KLHDC10: variants seen among roughly 807,000 people sequenced by gnomAD.
KLHDC10 encodes the protein kelch domain containing 10, also known as kelch domain-containing protein 10.
Under a neutral mutation model 56.1 loss-of-function variants are expected in KLHDC10, and 24 were observed. The ratio of observed to expected loss-of-function variants is 0.43; its 90% CI spans 0.31 to 0.60. KLHDC10 has a LOEUF of 0.60. Among genes scored for constraint, KLHDC10 ranks in the 20% least tolerant of loss-of-function variants. The pLI, the probability that KLHDC10 is intolerant of heterozygous loss-of-function variation, is 0.11. For synonymous variants in KLHDC10, 188 were observed against 207.1 expected, an observed-to-expected ratio of 0.91 and a Z score of 0.79; for missense variants, 349 against 567.0, an observed-to-expected ratio of 0.62 and a Z score of 3.91.
At chr7:130,070,927 G>C in intron 1 of KLHDC10, 118 bp downstream of exon 1, 4 of 622,146 alleles carry the variant, frequency 6.4e-6, no homozygotes, top group Non-Finnish European at 9.5e-6. Flanking sequence ...ACGCATAGCA[G>C]AGGGACTGGG....
chr7:130,108,077 A>C (rs879908828), intron 2 of KLHDC10, among the ~76,000 whole-genome samples: 36 of 151,218 alleles, frequency 2.4e-4, no homozygotes, highest in Admixed American at 1.8e-3. Context: ...AAACAAAAAA[A>C]AACTAGCTGG....
At chr7:130,078,947 A>C (rs1563096097) in intron 1 of KLHDC10, among the ~76,000 whole-genome samples, 1 of 152,214 alleles carries the variant, frequency 6.6e-6, no homozygotes, top group East Asian at 1.9e-4. Context: ...GATATTTTTA[A>C]TGCTTTCCTA....
chr7:130,123,833 GAC>G, intron 5 of KLHDC10, among the ~76,000 whole-genome samples: 1 of 152,112 alleles, frequency 6.6e-6, no homozygotes, highest in East Asian at 1.9e-4. Flanking sequence ...TCATTTTATG[GAC>G]ATATCATAAA....
chr7:130,116,419 T>C lies in KLHDC10; in HGVS notation c.254-26T>C, dbSNP rs1462432878. The C allele has an allele frequency of 4.4e-6, 7 of 1,590,332 alleles. No individual in the cohort carries two copies. The highest frequency in any genetic ancestry group is 1.7e-5 in the Admixed American group (1 of 57,196). On this transcript the variant is annotated intron_variant, in intron 2 of 9. Coordinates refer to ENST00000335420, the MANE Select transcript of KLHDC10 (RefSeq NM_014997.4). The surrounding 1 kb of genome is among the most constrained non-coding windows in gnomAD (Gnocchi z 4.8). The stretch of plus-strand genomic sequence containing the variant: ...TGCTTTTAAACTGGTAGGACACCTG[T>C]GGAAAACTGTCCTCTTCTCTCCTAG...
At chr7:130,093,998 A>G (rs548827646) in intron 1 of KLHDC10, among the ~76,000 whole-genome samples, 2 of 152,192 alleles carry the variant, frequency 1.3e-5, no homozygotes, top group African/African-American at 4.8e-5. Flanking sequence ...ATCTCGGCTC[A>G]CTGCAACCTC....
At chr7:130,071,348 G>A (rs894996504) in intron 1 of KLHDC10, among the ~76,000 whole-genome samples, 1 of 152,162 alleles carries the variant, frequency 6.6e-6, no homozygotes, top group African/African-American at 2.4e-5. Context: ...GGGAAAACTA[G>A]TTGGATTATT....
chr7:130,089,218 G>A (rs114198699), intron 1 of KLHDC10, among the ~76,000 whole-genome samples: 2,207 of 152,212 alleles, frequency 0.014, 48 homozygotes, highest in African/African-American at 0.05. Context: ...AGACTGCTGG[G>A]CATGGTGGCT....
chr7:130,088,355 A>G (rs928683177), intron 1 of KLHDC10, among the ~76,000 whole-genome samples: 1 of 151,348 alleles, frequency 6.6e-6, no homozygotes, highest in African/African-American at 2.4e-5. Context: ...GCTCACTGCA[A>G]CCTCTGCCTC....
rs1584642132 is a variant in KLHDC10 at position 130,128,922 on chromosome 7, A to G, written c.980-515A>G. On this transcript the variant is annotated intron_variant, in intron 8 of 9. Transcript: ENST00000335420. ...TATATATATATATATATATATATACATACTAGCCAAAACTTAAAAATCAAA... is the reference window on the plus strand; with the variant it reads ...TATATATATATATATATATATATACGTACTAGCCAAAACTTAAAAATCAAA... Among the ~76,000 whole-genome samples, 9 of 137,266 alleles carry G rather than the reference A, an allele frequency of 6.6e-5. No homozygotes were observed. In the South Asian group the frequency reaches 2.1e-3, roughly 31 times the overall value. The allele number at this position is 137,266 out of a possible 152,430, so 90.1% of individuals were successfully genotyped here.
At chr7:130,092,335 G>C (rs1482613288) in intron 1 of KLHDC10, among the ~76,000 whole-genome samples, 1 of 152,124 alleles carries the variant, frequency 6.6e-6, no homozygotes, top group African/African-American at 2.4e-5. Flanking sequence ...TTTTAATATT[G>C]TTCGATTCTC....
intron 8 of KLHDC10, among the ~76,000 whole-genome samples, chr7:130,127,920 G>A (rs1796334471): frequency 6.6e-6 from 1 of 152,236 alleles, no homozygotes; most frequent in Admixed American, 6.5e-5. Flanking sequence ...CAAAGGCATT[G>A]TATGGCTTCA....
chr7:130,124,801 G>A lies in KLHDC10; in HGVS notation c.864+266G>A, dbSNP rs922350513. ...GGAAAAGGAAAGTGACTAAAAGGAAGGCATAGTAGCTTGAATGGAGCAACT... is the reference window on the plus strand; with the variant it reads ...GGAAAAGGAAAGTGACTAAAAGGAAAGCATAGTAGCTTGAATGGAGCAACT... On this transcript the variant is annotated intron_variant, in intron 6 of 9. Coordinates refer to ENST00000335420, the MANE Select transcript of KLHDC10 (RefSeq NM_014997.4). Among the ~76,000 whole-genome samples, 3 of 152,304 alleles carry A rather than the reference G, an allele frequency of 2.0e-5. No homozygotes were observed. The East Asian group carries it at 5.8e-4, about 29-fold the overall frequency.
In KLHDC10 at chr7:130,130,653, G is replaced by T; in HGVS notation, c.1236G>T (p.Lys412Asn). The change falls in exon 10 of 10, where the codon AAG becomes AAT. Residue 412 changes from lysine (K) to asparagine (N), a missense_variant. Transcript: ENST00000335420. The surrounding 1 kb of genome is among the most constrained non-coding windows in gnomAD (Gnocchi z 4.2). ...GCCTGCTGGAACTGGCATGGGAGAA[G>T]CTGCTTGCGGCCTTCCCTAACCTTG... ...VPSLLELAWEKLLAAFPNLAN... is the reference protein window; with the variant it reads ...VPSLLELAWENLLAAFPNLAN... 2 of 1,614,198 alleles carry T rather than the reference G, an allele frequency of 1.2e-6. No homozygotes were observed. Among genetic ancestry groups the T allele is most frequent in the Non-Finnish European group, 1.7e-6 (2 of 1,180,040 alleles).
chr7:130,080,569 AT>A (rs34164377), intron 1 of KLHDC10, among the ~76,000 whole-genome samples: 2 of 148,962 alleles, frequency 1.3e-5, no homozygotes. Context: ...ATTAAAAAAA[AT>A]TTTTTTTTTG....
chr7:130,130,503 C>A lies in KLHDC10; in HGVS notation c.1120-34C>A. The A allele has an allele frequency of 6.4e-7, 1 of 1,550,982 alleles. No individual in the cohort carries two copies. On this transcript the variant is annotated intron_variant, in intron 9 of 9. Transcript: ENST00000335420. This position sits in a 1 kb window ranked among gnomAD's most constrained non-coding sequence, Gnocchi z 4.2. ...GTCTTCAGCCTTGTATGTTTCTCTCCCGTTTGAATTTGTCCTCTTTTGACT... is the reference window on the plus strand; with the variant it reads ...GTCTTCAGCCTTGTATGTTTCTCTCACGTTTGAATTTGTCCTCTTTTGACT...
At chr7:130,129,622 A>C in intron 9 of KLHDC10, 46 bp downstream of exon 9, 1 of 1,560,564 alleles carries the variant, frequency 6.4e-7, no homozygotes, top group South Asian at 1.2e-5. Flanking sequence ...ACAGATGATA[A>C]GGAAATCTTT....
intron 2 of KLHDC10, among the ~76,000 whole-genome samples, chr7:130,101,996 A>G (rs1795937453): frequency 7.6e-6 from 1 of 131,006 alleles, no homozygotes; most frequent in South Asian, 2.6e-4. Context: ...AAAAAAAAAG[A>G]CTGGAGGAAG....
chr7:130,116,485 G>A lies in KLHDC10; in HGVS notation c.294G>A (p.Val98=), dbSNP rs749059206. 1 of 1,614,106 alleles carries A rather than the reference G, an allele frequency of 6.2e-7. No homozygotes were observed. The highest frequency in any genetic ancestry group is 2.2e-5 in the East Asian group (1 of 44,888). ...PPPARSGHRC[V]ADNTNLYVFG... The stretch of plus-strand genomic sequence containing the variant: ...CAGCACGAAGTGGACATCGTTGTGT[G>A]GCAGATAATACCAACCTATATGTGT... The change falls in exon 3 of 10, where the codon GTG becomes GTA. Residue 98 remains valine (V), a synonymous_variant. Transcript: ENST00000335420. The surrounding 1 kb of genome is among the most constrained non-coding windows in gnomAD (Gnocchi z 4.8).
At chr7:130,123,003 T>A (rs1382478042) in intron 5 of KLHDC10, among the ~76,000 whole-genome samples, 1 of 146,760 alleles carries the variant, frequency 6.8e-6, no homozygotes, top group Non-Finnish European at 1.5e-5. Flanking sequence ...GGGTGATGAA[T>A]GATAGATGGA....
Sources: gnomAD v4.1 joint callset for allele counts (sites outside exome capture counted in the v4.1 genomes callset) on GRCh38, gnomAD v4.1.1 for gene constraint, Gnocchi (gnomAD v3.1) non-coding constraint, MANE v1.5 for transcripts, NCBI Gene and HGNC (gene_info 2026-07-23, HGNC 2026-07-21) for gene names.